The following ME3 variants were observed in gnomAD, a reference collection of about 807,000 sequenced individuals.
ME3 encodes malic enzyme 3, also known as NADP-dependent malic enzyme, mitochondrial.
Under a neutral mutation model 68.9 loss-of-function variants are expected in ME3, and 48 were observed. That is an observed-to-expected ratio of 0.70 (90% CI 0.55 to 0.89). The LOEUF (loss-of-function observed/expected upper bound fraction) is 0.89, where lower values mean the gene tolerates loss of function less well. ME3 is among the 40% of genes least tolerant of loss of function. The pLI is 0.00. For missense variants in ME3, 675 were observed against 797.4 expected (o/e 0.85, Z 1.85); for synonymous variants, 320 against 318.8 (o/e 1.00, Z -0.04).
At chr11:86,446,326 G>A (rs764718918) in exon 13 of ME3, 2 of 1,614,092 alleles carry the variant, frequency 1.2e-6, no homozygotes, top group Admixed American at 1.7e-5. Context: ...CTGCTGTCAG[G>A]AGGAAGATCT....
intron 2 of ME3, among the ~76,000 whole-genome samples, chr11:86,606,015 T>A (rs966570755): frequency 6.6e-6 from 1 of 152,218 alleles, no homozygotes; most frequent in African/African-American, 2.4e-5. Flanking sequence ...TTCTGGAGGC[T>A]GTGTGCATCC....
intron 4 of ME3, among the ~76,000 whole-genome samples, chr11:86,513,690 G>T (rs974348219): frequency 6.6e-6 from 1 of 152,152 alleles, no homozygotes; most frequent in Non-Finnish European, 1.5e-5. Flanking sequence ...AAAATGTGCG[G>T]GGCTAGGGAT....
intron 4 of ME3, among the ~76,000 whole-genome samples, chr11:86,524,929 C>G (rs531494017): frequency 6.6e-6 from 1 of 152,278 alleles, no homozygotes; most frequent in South Asian, 2.1e-4. Flanking sequence ...AACTACAAAT[C>G]CCTCGAAAGG....
chr11:86,495,714 T>C (rs925808646), intron 6 of ME3, among the ~76,000 whole-genome samples: 2 of 152,228 alleles, frequency 1.3e-5, no homozygotes, highest in Non-Finnish European at 2.9e-5. Flanking sequence ...GATGAGCAGC[T>C]GTAAAGCATG....
intron 8 of ME3, chr11:86,457,553 C>T: frequency 8.6e-7 from 1 of 1,157,682 alleles, no homozygotes; most frequent in Non-Finnish European, 1.1e-6. Context: ...CTCCAAATTA[C>T]AAAATTTGGC....
intron 8 of ME3, among the ~76,000 whole-genome samples, chr11:86,456,342 CT>C (rs1186603188): frequency 6.6e-6 from 1 of 152,082 alleles, no homozygotes; most frequent in Admixed American, 6.5e-5. Flanking sequence ...CTGGATGGGT[CT>C]TTTTCTTTTT....
At chr11:86,523,084 C>A (rs1309348080) in intron 4 of ME3, among the ~76,000 whole-genome samples, 1 of 152,172 alleles carries the variant, frequency 6.6e-6, no homozygotes, top group South Asian at 2.1e-4. Context: ...AGGTGTTAAA[C>A]CAGCAAACCT....
At chr11:86,489,880 C>T (rs187230573) in intron 6 of ME3, among the ~76,000 whole-genome samples, 5 of 152,178 alleles carry the variant, frequency 3.3e-5, no homozygotes, top group Admixed American at 2.0e-4. Flanking sequence ...TCAAAGGACC[C>T]GAGAGGTAGG....
intron 2 of ME3, among the ~76,000 whole-genome samples, chr11:86,618,942 C>T (rs1011227376): frequency 6.6e-6 from 1 of 152,118 alleles, no homozygotes; most frequent in Non-Finnish European, 1.5e-5. Flanking sequence ...AACTCCTGAC[C>T]TCGTGATCCA....
chr11:86,566,827 C>A (rs573338027), intron 2 of ME3, among the ~76,000 whole-genome samples: 1 of 152,182 alleles, frequency 6.6e-6, no homozygotes, highest in Admixed American at 6.5e-5. Context: ...CATTTGTATT[C>A]TTGCCACTAT....
At chr11:86,552,607 A>G (rs1042991272) in intron 4 of ME3, among the ~76,000 whole-genome samples, 2 of 152,000 alleles carry the variant, frequency 1.3e-5, no homozygotes, top group African/African-American at 4.8e-5. Context: ...ACCGCCCCCC[A>G]TGCTGTTCCT....
chr11:86,619,999 A>G (rs1157147871), intron 2 of ME3, among the ~76,000 whole-genome samples: 1 of 151,390 alleles, frequency 6.6e-6, no homozygotes, highest in East Asian at 1.9e-4. Flanking sequence ...CAGTGTAGTT[A>G]TCTTACCCTG....
intron 5 of ME3, among the ~76,000 whole-genome samples, chr11:86,506,118 C>A (rs927634687): frequency 2.0e-5 from 3 of 152,188 alleles, no homozygotes; most frequent in Non-Finnish European, 4.4e-5. Flanking sequence ...TTGAATGCAA[C>A]TGAATTCACT....
At chr11:86,616,279 A>G (rs1942951850) in intron 2 of ME3, among the ~76,000 whole-genome samples, 1 of 152,202 alleles carries the variant, frequency 6.6e-6, no homozygotes, top group African/African-American at 2.4e-5. Context: ...TTTATGAATA[A>G]AACTTTTATG....
chr11:86,643,144 C>T (rs1255137680), intron 2 of ME3, among the ~76,000 whole-genome samples: 2 of 152,100 alleles, frequency 1.3e-5, no homozygotes, highest in African/African-American at 4.8e-5. Context: ...TCCTCATTTC[C>T]CTCATAGGGA....
chr11:86,481,146 A>G (rs1297508893), intron 7 of ME3, among the ~76,000 whole-genome samples: 3 of 150,874 alleles, frequency 2.0e-5, no homozygotes, highest in Non-Finnish European at 4.4e-5. Flanking sequence ...GGCTTAAGTG[A>G]TCCTCTTGCT....
chr11:86,554,988 C>T (rs1956858718), intron 4 of ME3, among the ~76,000 whole-genome samples: 1 of 152,056 alleles, frequency 6.6e-6, no homozygotes, highest in South Asian at 2.1e-4. Flanking sequence ...GTCAGTTCAG[C>T]CTGAGGGGAT....
At chr11:86,533,663 A>C (rs1165132450) in intron 4 of ME3, among the ~76,000 whole-genome samples, 1 of 152,240 alleles carries the variant, frequency 6.6e-6, no homozygotes, top group African/African-American at 2.4e-5. Flanking sequence ...TTTGATACTA[A>C]AGCCAGACGA....
chr11:86,464,147 G>T (rs1412128665), intron 8 of ME3: 1 of 444,300 alleles, frequency 2.3e-6, no homozygotes, highest in South Asian at 1.6e-5. Context: ...TGAGAAGTTG[G>T]CCAACCTTTA....
Sources: gnomAD v4.1 joint callset for allele counts (sites outside exome capture counted in the v4.1 genomes callset) on GRCh38, gnomAD v4.1.1 for gene constraint, MANE v1.5 for transcripts, NCBI Gene and HGNC (gene_info 2026-07-23, HGNC 2026-07-21) for gene names.